The following CAST variants were observed in gnomAD, a reference collection of about 807,000 sequenced individuals.
CAST encodes the protein calpastatin.
CAST carries 76 observed loss-of-function variants against 119.6 expected under a neutral mutation model. The ratio of observed to expected loss-of-function variants is 0.64; its 90% confidence interval spans 0.53 to 0.77. The LOEUF (loss-of-function observed/expected upper bound fraction) is 0.77. CAST is among the 30% of genes least tolerant of loss of function. The pLI is 0.00. For missense variants in CAST, 953 were observed against 946.5 expected, an observed-to-expected ratio of 1.01 and a Z score of -0.09; for synonymous variants, 319 against 331.6, an observed-to-expected ratio of 0.96 and a Z score of 0.41.
the CAST span, among the ~76,000 whole-genome samples, chr5:96,260,702 G>C: frequency 6.6e-6 from 1 of 152,156 alleles, no homozygotes; most frequent in East Asian, 1.9e-4. Flanking sequence ...ATAGGCATCA[G>C]ATGGCATTTA....
At chr5:96,653,968 CCTCT>C (rs891363906) in intron 1 of CAST, among the ~76,000 whole-genome samples, 1 of 151,000 alleles carries the variant, frequency 6.6e-6, no homozygotes, top group African/African-American at 2.4e-5. Flanking sequence ...TTCTTCTTCC[CCTCT>C]CTCTTTTCTC....
At chr5:96,077,789 A>G in the CAST span, among the ~76,000 whole-genome samples, 1 of 152,156 alleles carries the variant, frequency 6.6e-6, no homozygotes, top group Non-Finnish European at 1.5e-5. Context: ...TGCTGGTGCC[A>G]TGCTTCCTGT....
the CAST span, among the ~76,000 whole-genome samples, chr5:96,115,512 A>G: frequency 3.3e-5 from 5 of 152,222 alleles, no homozygotes; most frequent in African/African-American, 1.2e-4. Context: ...TGAAGCACAG[A>G]TAAGTAACTT....
At chr5:96,077,421 A>G in the CAST span, among the ~76,000 whole-genome samples, 266 of 152,274 alleles carry the variant, frequency 1.7e-3, 1 homozygote, top group African/African-American at 6.1e-3. Context: ...TTTGATTATT[A>G]GGCAGATACA....
At chr5:96,459,424 G>A in the CAST span, among the ~76,000 whole-genome samples, 7 of 152,128 alleles carry the variant, frequency 4.6e-5, no homozygotes. Flanking sequence ...ATGGGGCACT[G>A]GATGAATAAA....
At chr5:96,395,120 T>C in the CAST span, 1 of 1,009,476 alleles carries the variant, frequency 9.9e-7, no homozygotes, top group Non-Finnish European at 1.6e-6. Flanking sequence ...TGTTAAAATC[T>C]CATTTTAAGA....
At chr5:96,736,058 A>T in intron 9 of CAST, 114 bp from the exon 10 acceptor site, 1 of 640,972 alleles carries the variant, frequency 1.6e-6, no homozygotes, top group South Asian at 2.0e-5. Context: ...TGTAGAGCGG[A>T]TGTTCAGTGT....
the CAST span, among the ~76,000 whole-genome samples, chr5:96,338,642 G>A: frequency 6.6e-6 from 1 of 152,168 alleles, no homozygotes; most frequent in Non-Finnish European, 1.5e-5. Context: ...ATAGCTTGCT[G>A]CTCATTCCAA....
chr5:96,219,845 G>A, the CAST span, among the ~76,000 whole-genome samples: 1 of 152,096 alleles, frequency 6.6e-6, no homozygotes, highest in Non-Finnish European at 1.5e-5. Flanking sequence ...GTAGGTGGTT[G>A]GCATGTTTAA....
chr5:95,990,430 A>G, the CAST span, among the ~76,000 whole-genome samples: 3 of 152,058 alleles, frequency 2.0e-5, no homozygotes, highest in African/African-American at 7.2e-5. Flanking sequence ...CAAAAATTCA[A>G]TAATAAGGTT....
chr5:96,489,224 T>TAG, the CAST span, among the ~76,000 whole-genome samples: 130,279 of 151,848 alleles, frequency 0.86, 56,687 homozygotes, highest in Non-Finnish European at 0.95. Flanking sequence ...TAGGTTCCAA[T>TAG]AGACTCATCA....
chr5:96,135,807 C>A, the CAST span, among the ~76,000 whole-genome samples: 5 of 151,910 alleles, frequency 3.3e-5, no homozygotes, highest in African/African-American at 1.2e-4. Flanking sequence ...GCCTGTAATC[C>A]CAGCACTTTG....
chr5:96,430,428 C>T, the CAST span, among the ~76,000 whole-genome samples: 1 of 152,278 alleles, frequency 6.6e-6, no homozygotes, highest in African/African-American at 2.4e-5. Context: ...GGCCCTGCTC[C>T]AAGCCTGAAT....
the CAST span, among the ~76,000 whole-genome samples, chr5:96,465,313 T>C: frequency 6.6e-6 from 1 of 152,066 alleles, no homozygotes; most frequent in Non-Finnish European, 1.5e-5. Flanking sequence ...GTGGATTCTT[T>C]AGATTTTTAA....
intron 1 of CAST, among the ~76,000 whole-genome samples, chr5:96,643,129 G>A (rs1747973707): frequency 6.6e-6 from 1 of 152,190 alleles, no homozygotes; most frequent in Non-Finnish European, 1.5e-5. Flanking sequence ...ACAATGGAAT[G>A]TGGAGTGGCA....
intron 17 of CAST, among the ~76,000 whole-genome samples, chr5:96,746,772 G>A (rs1247274979): frequency 1.3e-5 from 2 of 152,224 alleles, no homozygotes; most frequent in African/African-American, 4.8e-5. Context: ...TAGGTCTTCT[G>A]AGGGGTAGAT....
the CAST span, among the ~76,000 whole-genome samples, chr5:96,120,009 G>A: frequency 2.0e-4 from 31 of 152,210 alleles, no homozygotes; most frequent in Non-Finnish European, 3.8e-4. Context: ...TGTGAAACAC[G>A]TTTTATTCCG....
the CAST span, among the ~76,000 whole-genome samples, chr5:96,326,695 A>ATTTTTTTTTTTTTTTT: frequency 1.0e-4 from 10 of 95,736 alleles, no homozygotes; most frequent in African/African-American, 1.2e-4. Flanking sequence ...ATGGCTTTTC[A>ATTTTTTTTTTTTTTTT]TTTTTTTTTT....
At chr5:96,590,243 C>T (rs1389197701) in intron 1 of CAST, among the ~76,000 whole-genome samples, 1 of 152,154 alleles carries the variant, frequency 6.6e-6, no homozygotes, top group East Asian at 1.9e-4. Context: ...CCTACTGAAT[C>T]AGAATATGCA....
Sources: allele counts gnomAD v4.1 joint callset (sites outside exome capture counted in the v4.1 genomes callset), GRCh38; gene constraint gnomAD v4.1.1; transcripts MANE v1.5; gene names NCBI Gene and HGNC (gene_info 2026-07-23, HGNC 2026-07-21).